GFOD2: variants seen among roughly 807,000 people sequenced by gnomAD.
The protein encoded by GFOD2 is glucose-fructose oxidoreductase domain-containing protein 2.
In GFOD2, 9 loss-of-function variants were observed where a neutral mutation model predicts 24.6. The ratio of observed to expected loss-of-function variants is 0.37; its 90% CI spans 0.22 to 0.64. The LOEUF (loss-of-function observed/expected upper bound fraction) is 0.64, where lower values mean the gene tolerates loss of function less well. Among genes scored for constraint, GFOD2 ranks in the 30% least tolerant of loss-of-function variants. GFOD2 has a pLI of 0.65. For synonymous variants in GFOD2, 211 were observed against 224.8 expected (o/e 0.94, Z 0.55); for missense variants, 476 against 532.5 (o/e 0.89, Z 1.04).
chr16:67,679,863 G>A (rs1315347641), intron 2 of GFOD2, among the ~76,000 whole-genome samples: 1 of 151,812 alleles, frequency 6.6e-6, no homozygotes, highest in Non-Finnish European at 1.5e-5. Flanking sequence ...CTCCAGCCTG[G>A]GCGACAGAGC....
intron 1 of GFOD2, among the ~76,000 whole-genome samples, chr16:67,700,002 G>GAC (rs1366139056): frequency 6.6e-6 from 1 of 152,106 alleles, no homozygotes; most frequent in Non-Finnish European, 1.5e-5. Context: ...TTGAGCCTGG[G>GAC]AGGTGGAGGT....
intron 1 of GFOD2, among the ~76,000 whole-genome samples, chr16:67,718,821 TCA>T (rs771442999): frequency 1.2e-4 from 18 of 152,190 alleles, no homozygotes; most frequent in Admixed American, 5.2e-4. Flanking sequence ...GCGTCCATCC[TCA>T]CACAGTCAGG....
Position 67,674,950 on chromosome 16 carries a change from C to T in GFOD2, c.*205G>A. 1.6e-6 allele frequency: 1 copy of T among 611,202 alleles called. No homozygotes were observed. Among genetic ancestry groups the T allele is most frequent in the Non-Finnish European group, 2.9e-6 (1 of 350,458 alleles). 37.9% of individuals were successfully genotyped at this position (611,202 alleles called of 1,614,324 possible). On this transcript the variant is annotated 3_prime_UTR_variant, in exon 3 of 3. Transcript: ENST00000268797. ...CTCTGCCCTGTGCACACCGTGGTAACCTGGCAACAGGAACATTTGCCACCC... is the reference window on the plus strand; with the variant it reads ...CTCTGCCCTGTGCACACCGTGGTAATCTGGCAACAGGAACATTTGCCACCC...
chr16:67,693,041 CA>C (rs553659334), intron 1 of GFOD2, among the ~76,000 whole-genome samples: 13 of 142,296 alleles, frequency 9.1e-5, no homozygotes, highest in South Asian at 6.7e-4. Flanking sequence ...AAAACAAAAA[CA>C]AAAAAAAAAG....
chr16:67,679,045 T>C (rs1054021155), intron 2 of GFOD2, among the ~76,000 whole-genome samples: 1 of 152,140 alleles, frequency 6.6e-6, no homozygotes, highest in Non-Finnish European at 1.5e-5. Flanking sequence ...CGTGTACCTG[T>C]AGCCCCAGCT....
In GFOD2 at chr16:67,675,117, G is replaced by T. The variant is rs1206668368; in HGVS notation, c.*38C>A. 3 of 1,570,684 alleles carry T rather than the reference G, an allele frequency of 1.9e-6. No individual in the cohort carries two copies. The highest frequency in any genetic ancestry group is 2.2e-5 in the East Asian group (1 of 44,494). On this transcript the variant is annotated 3_prime_UTR_variant, in exon 3 of 3. Coordinates refer to ENST00000268797, the MANE Select transcript of GFOD2 (RefSeq NM_030819.4). ...ATGTCTGGCTCCTGTTCCCCTCCCT[G>T]GTCCCTCTGCCCTGTGGCAAGGAGC...
intron 1 of GFOD2, among the ~76,000 whole-genome samples, chr16:67,692,374 T>C (rs2142995077): frequency 6.6e-6 from 1 of 151,854 alleles, no homozygotes; most frequent in South Asian, 2.1e-4. Flanking sequence ...CTGAGATCAG[T>C]TCACGACCAG....
At chr16:67,701,481 A>T (rs2053402027) in intron 1 of GFOD2, among the ~76,000 whole-genome samples, 1 of 152,216 alleles carries the variant, frequency 6.6e-6, no homozygotes, top group Non-Finnish European at 1.5e-5. Flanking sequence ...GCATTCTGCT[A>T]ACTGAAAGAT....
intron 1 of GFOD2, among the ~76,000 whole-genome samples, chr16:67,715,505 C>A (rs1478258987): frequency 6.6e-6 from 1 of 151,784 alleles, no homozygotes; most frequent in Admixed American, 6.6e-5. Flanking sequence ...ATTCTTCCTG[C>A]TTTCATGTTT....
At chr16:67,689,966 A>G (rs951360987) in intron 1 of GFOD2, among the ~76,000 whole-genome samples, 1 of 152,204 alleles carries the variant, frequency 6.6e-6, no homozygotes, top group African/African-American at 2.4e-5. Context: ...TATTTTGGCT[A>G]GCATAATGTC....
intron 1 of GFOD2, among the ~76,000 whole-genome samples, chr16:67,708,742 C>G (rs2053454350): frequency 6.6e-6 from 1 of 152,128 alleles, no homozygotes; most frequent in African/African-American, 2.4e-5. Context: ...CCAGATCCAG[C>G]CCCACACCTT....
At chr16:67,683,867 A>G in intron 2 of GFOD2, 2 of 1,190,350 alleles carry the variant, frequency 1.7e-6, no homozygotes, top group Admixed American at 4.5e-5. Context: ...CTTGGCTCCT[A>G]TTACCTCACA....
In GFOD2 at chr16:67,675,449, G is replaced by A. The variant is rs140756831; in HGVS notation, c.864C>T (p.Gly288=). ...ELLLRDSLAV[G]AGLPEQGPQD... is the part of the protein sequence containing the mutation. ...GGGGCCCCTGCTCAGGCAGTCCTGC[G>A]CCCACTGCCAGCGAGTCCCTCAAGA... The change falls in exon 3 of 3, where the codon GGC becomes GGT. Residue 288 remains glycine (G), a synonymous_variant. Transcript: ENST00000268797. 2.2e-5 allele frequency: 35 copies of A among 1,612,338 alleles called. No homozygotes were observed. The highest frequency in any genetic ancestry group is 5.3e-5 in the African/African-American group (4 of 75,058).
At chr16:67,681,583 T>C (rs1236928903) in intron 2 of GFOD2, 1 of 543,808 alleles carries the variant, frequency 1.8e-6, no homozygotes, top group East Asian at 1.5e-4. Context: ...TAATTTTTTG[T>C]ATTTTTGGTA....
intron 1 of GFOD2, among the ~76,000 whole-genome samples, chr16:67,687,216 G>C (rs1429135163): frequency 6.7e-6 from 1 of 149,566 alleles, no homozygotes; most frequent in African/African-American, 2.5e-5. Context: ...GAAAGTGAAA[G>C]AACTAATTGC....
rs1459442217 is a variant in GFOD2, at chr16:67,685,598, C to T, written c.118G>A (p.Glu40Lys). ...ATCTCCTCAGCAAGCTGCTTCGCCT[C>T]CTCCTCAGTCTTCCCCCACAGGGCC... ...VEALWGKTEE[E>K]AKQLAEEMNI... Residue 40 changes from glutamate (E) to lysine (K), a missense_variant, in exon 2 of 3, where the codon GAG (glutamate) becomes AAG (lysine). Coordinates refer to ENST00000268797, the MANE Select transcript of GFOD2 (RefSeq NM_030819.4). 1 of 1,614,200 alleles carries T rather than the reference C, an allele frequency of 6.2e-7. No individual in the cohort carries two copies. Among genetic ancestry groups the T allele is most frequent in the Non-Finnish European group, 8.5e-7 (1 of 1,180,044 alleles).
intron 1 of GFOD2, among the ~76,000 whole-genome samples, chr16:67,694,157 G>C (rs946189757): frequency 6.6e-6 from 1 of 152,028 alleles, no homozygotes; most frequent in African/African-American, 2.4e-5. Context: ...ATCACACCTG[G>C]CTAATTTTTT....
chr16:67,703,183 C>G (rs2053415722), intron 1 of GFOD2, among the ~76,000 whole-genome samples: 1 of 152,108 alleles, frequency 6.6e-6, no homozygotes, highest in African/African-American at 2.4e-5. Flanking sequence ...GCGGGCGGAT[C>G]ACCTGAGGTT....
chr16:67,687,595 C>T (rs1227134705), intron 1 of GFOD2, among the ~76,000 whole-genome samples: 1 of 140,956 alleles, frequency 7.1e-6, no homozygotes, highest in African/African-American at 2.7e-5. Context: ...GAGGTGAGAT[C>T]GCGCCAATGC....
Sources: allele counts gnomAD v4.1 joint callset (sites outside exome capture counted in the v4.1 genomes callset), GRCh38; gene constraint gnomAD v4.1.1; transcripts MANE v1.5; gene names NCBI Gene and HGNC (gene_info 2026-07-23, HGNC 2026-07-21).